The following TERB1 variants were observed in gnomAD, a reference collection of about 807,000 sequenced individuals.
TERB1 encodes the protein telomere repeat binding bouquet formation protein 1.
In TERB1, 63 loss-of-function variants were observed where a neutral mutation model predicts 92.3. The observed-to-expected ratio is 0.68, with a 90% CI of 0.56 to 0.84. The LOEUF (loss-of-function observed/expected upper bound fraction) is 0.84. TERB1 is among the 40% of genes least tolerant of loss of function. TERB1 has a pLI of 0.00. For missense variants in TERB1, 709 were observed against 843.7 expected (o/e 0.84, Z 1.98); for synonymous variants, 252 against 283.9 (o/e 0.89, Z 1.13).
At chr16:66,792,363 T>C (rs2018849887) in intron 3 of TERB1, among the ~76,000 whole-genome samples, 1 of 152,168 alleles carries the variant, frequency 6.6e-6, no homozygotes, top group South Asian at 2.1e-4. Flanking sequence ...TAAAACCAGG[T>C]ATAAGACAGA....
chr16:66,754,724 A>C lies in TERB1; in HGVS notation c.*252T>G, dbSNP rs1203818919. The stretch of plus-strand genomic sequence containing the variant: ...TCTGTGTCCTTTAAGCTTAAGGAAA[A>C]ATAAAAGCATATTCCTAAACAAATG... On this transcript the variant is annotated 3_prime_UTR_variant, in exon 19 of 19. Transcript: ENST00000433154. The C allele has an allele frequency of 2.4e-6, 1 of 420,236 alleles. No homozygotes were observed. The highest frequency in any genetic ancestry group is 4.2e-6 in the Non-Finnish European group (1 of 239,476). 26.0% of individuals were successfully genotyped at this position (420,236 alleles called of 1,614,324 possible).
chr16:66,759,404 A>T, intron 16 of TERB1, 114 bp from the exon 17 acceptor site: 1 of 802,150 alleles, frequency 1.2e-6, no homozygotes, highest in Non-Finnish European at 1.9e-6. Context: ...AACTATAAAC[A>T]CCTCAAGAAG....
intron 2 of TERB1, among the ~76,000 whole-genome samples, chr16:66,799,374 C>T (rs997283986): frequency 2.0e-5 from 3 of 151,974 alleles, no homozygotes; most frequent in Non-Finnish European, 2.9e-5. Flanking sequence ...ATTACAGGCA[C>T]GCACCACCAT....
rs1440442878 is a variant in TERB1, at chr16:66,761,281, G to A, written c.1781-1991C>T. ...AGCCTGGCCAACATGACAAAACCCC[G>A]TCTCTACTCAAAATACAAAAAGTAG... On this transcript the variant is annotated intron_variant, in intron 16 of 18. Transcript: ENST00000433154. Among the ~76,000 whole-genome samples the A allele has an allele frequency of 3.3e-5, 5 of 149,974 alleles. No homozygotes were observed. In the East Asian group the frequency reaches 5.9e-4, roughly 18 times the overall value.
At chr16:66,765,911 C>CCGGACTG (rs2018336905) in intron 16 of TERB1, among the ~76,000 whole-genome samples, 1 of 119,208 alleles carries the variant, frequency 8.4e-6, no homozygotes, top group African/African-American at 3.3e-5. Context: ...GTCGCCCAGG[C>CCGGACTG]CGGACTGCGG....
intron 16 of TERB1, among the ~76,000 whole-genome samples, chr16:66,763,807 T>G (rs1227748944): frequency 6.6e-6 from 1 of 152,168 alleles, no homozygotes; most frequent in Non-Finnish European, 1.5e-5. Flanking sequence ...GTCCATCCAG[T>G]ATAAAGTTCT....
intron 9 of TERB1, 48 bp from the exon 10 acceptor site, chr16:66,779,063 T>G: frequency 1.5e-6 from 2 of 1,334,702 alleles, no homozygotes; most frequent in Non-Finnish European, 2.0e-6. Flanking sequence ...ACAAGACAGC[T>G]GAATGGTTTT....
chr16:66,782,827 C>T (rs899506084), intron 9 of TERB1, among the ~76,000 whole-genome samples: 4 of 152,064 alleles, frequency 2.6e-5, no homozygotes, highest in Non-Finnish European at 5.9e-5. Flanking sequence ...GTCTTATAAT[C>T]CAGAGTATTA....
chr16:66,778,545 G>A (rs374632347), intron 10 of TERB1, among the ~76,000 whole-genome samples: 105 of 152,220 alleles, frequency 6.9e-4, no homozygotes, highest in African/African-American at 2.3e-3. Flanking sequence ...GGCCTCCTGA[G>A]TAGCTGGAAT....
chr16:66,770,091 G>T lies in TERB1; in HGVS notation c.1491C>A (p.Ser497Arg). The T allele has an allele frequency of 6.4e-7, 1 of 1,551,898 alleles. No individual in the cohort carries two copies. Among genetic ancestry groups the T allele is most frequent in the South Asian group, 1.2e-5 (1 of 84,062 alleles). ...NDDQMKTPLK[S>R]ANPVHACYRE... ...TGTAACAAGCATGGACTGGATTTGC[G>T]CTCTTTAACGGTGTCTTCATTTGGT... is the stretch of plus-strand genomic sequence containing the variant. Residue 497 changes from serine (S) to arginine (R), a missense_variant, in exon 14 of 19, where the codon AGC becomes AGA. Physicochemically the swap from Ser to Arg is moderately radical, Grantham distance 110 (BLOSUM62 -1). Transcript: ENST00000433154.
rs374354350 is a variant in TERB1 at position 66,764,552 on chromosome 16, A to G, written c.1780+2863T>C. ...ATGACACGATAAAGCACATATTAAG[A>G]AGATAAGTTAACAGTGATATGCATA... is the stretch of plus-strand genomic sequence containing the variant. On this transcript the variant is annotated intron_variant, in intron 16 of 18. Transcript: ENST00000433154. Among the ~76,000 whole-genome samples, 12 of 152,210 alleles carry G rather than the reference A, an allele frequency of 7.9e-5. No homozygotes were observed. In the East Asian group the frequency reaches 9.6e-4, roughly 12 times the overall value.
Position 66,788,161 on chromosome 16 carries a change from G to GTACT in TERB1, c.400+4_400+7dup. 1 of 1,434,586 alleles carries GTACT rather than the reference G, an allele frequency of 7.0e-7. No homozygotes were observed. Among genetic ancestry groups the GTACT allele is most frequent in the Non-Finnish European group, 9.3e-7 (1 of 1,077,170 alleles). 88.9% of individuals were successfully genotyped at this position (1,434,586 alleles called of 1,614,324 possible). On this transcript the variant is annotated splice_region_variant and intron_variant, in intron 6 of 18. Coordinates refer to ENST00000433154, the MANE Select transcript of TERB1 (RefSeq NM_001136505.2). Reference sequence around the variant, plus strand: ...TGTTTTCAAATAGTCATAAGAGAATGTACTTACTATTATTTGAAACCAGAA... The same window carrying GTACT: ...TGTTTTCAAATAGTCATAAGAGAATGTACTTACTTACTATTATTTGAAACCAGAA...
intron 13 of TERB1, among the ~76,000 whole-genome samples, chr16:66,770,997 T>A (rs1046688682): frequency 6.6e-6 from 1 of 152,084 alleles, no homozygotes; most frequent in African/African-American, 2.4e-5. Flanking sequence ...ACCACAGGCA[T>A]ACAACACCAC....
chr16:66,771,522 TG>T (rs1470976223), intron 13 of TERB1, among the ~76,000 whole-genome samples: 1 of 152,226 alleles, frequency 6.6e-6, no homozygotes, highest in Non-Finnish European at 1.5e-5. Context: ...TCCATGAATT[TG>T]GGTATCTGTG....
intron 12 of TERB1, among the ~76,000 whole-genome samples, chr16:66,773,564 C>T (rs576611448): frequency 1.2e-4 from 19 of 152,262 alleles, no homozygotes; most frequent in Admixed American, 1.2e-3. Context: ...GCTTGAGACA[C>T]TCACTGATAA....
intron 13 of TERB1, 25 bp from the exon 14 acceptor site, chr16:66,770,334 T>C (rs1169214887): frequency 7.2e-7 from 1 of 1,388,888 alleles, no homozygotes; most frequent in African/African-American, 1.5e-5. Context: ...TGACAAATAA[T>C]TTCAATATAA....
intron 16 of TERB1, among the ~76,000 whole-genome samples, chr16:66,760,743 G>A (rs1342784398): frequency 9.8e-6 from 1 of 102,564 alleles, no homozygotes; most frequent in South Asian, 4.1e-4. Context: ...CTGAGATCAC[G>A]ACTGCACTCC....
intron 9 of TERB1, among the ~76,000 whole-genome samples, chr16:66,781,607 C>T (rs1359827506): frequency 6.6e-6 from 1 of 151,136 alleles, no homozygotes; most frequent in Non-Finnish European, 1.5e-5. Flanking sequence ...GCAAGCTCCA[C>T]CTCCTGGGTT....
intron 18 of TERB1, among the ~76,000 whole-genome samples, chr16:66,757,850 C>A (rs2018163002): frequency 6.6e-6 from 1 of 152,104 alleles, no homozygotes; most frequent in Non-Finnish European, 1.5e-5. Flanking sequence ...AAATGGTGAT[C>A]AATGTGAAAT....
Sources: allele counts gnomAD v4.1 joint callset (sites outside exome capture counted in the v4.1 genomes callset), GRCh38; gene constraint gnomAD v4.1.1; transcripts MANE v1.5; gene names NCBI Gene and HGNC (gene_info 2026-07-23, HGNC 2026-07-21).